The following FTO variants were observed in gnomAD, a reference collection of about 807,000 sequenced individuals.
The protein encoded by FTO is FTO alpha-ketoglutarate dependent dioxygenase.
A neutral mutation model predicts 63.9 loss-of-function variants in FTO; 47 were observed. The observed-to-expected ratio is 0.74, with a 90% CI of 0.58 to 0.94. FTO has a LOEUF of 0.94. Among genes scored for constraint, FTO ranks in the 40% least tolerant of loss-of-function variants. FTO has a pLI of 0.00. For synonymous variants in FTO, 207 were observed against 224.4 expected (o/e 0.92, Z 0.69); for missense variants, 562 against 618.1 (o/e 0.91, Z 0.96).
chr16:54,007,094 G>T (rs1413367599), intron 8 of FTO, among the ~76,000 whole-genome samples: 2 of 152,170 alleles, frequency 1.3e-5, no homozygotes, highest in Non-Finnish European at 2.9e-5. Context: ...AAGGAAATAG[G>T]ATGCATTTCA....
intron 8 of FTO, chr16:54,061,838 T>C (rs2085584512): frequency 6.6e-6 from 1 of 152,186 alleles, no homozygotes; most frequent in South Asian, 2.1e-4. Flanking sequence ...TTTGGAGGGC[T>C]CTGTGAAACT....
intron 8 of FTO, among the ~76,000 whole-genome samples, chr16:54,107,642 G>C (rs942536539): frequency 1.4e-5 from 2 of 140,714 alleles, no homozygotes; most frequent in African/African-American, 2.5e-5. Context: ...TGTTATAAAA[G>C]GCAGGAAATA....
intron 1 of FTO, among the ~76,000 whole-genome samples, chr16:53,709,166 A>T (rs900252034): frequency 5.3e-5 from 8 of 152,158 alleles, no homozygotes; most frequent in South Asian, 2.1e-4. Context: ...AACTTAGATC[A>T]TATTTTCTCT....
chr16:54,031,417 G>T (rs535594705), intron 8 of FTO, among the ~76,000 whole-genome samples: 1 of 152,186 alleles, frequency 6.6e-6, no homozygotes, highest in Non-Finnish European at 1.5e-5. Context: ...GGAAGCTAGG[G>T]TTATTAAGGA....
chr16:53,717,531 A>G (rs2075923602), intron 1 of FTO, among the ~76,000 whole-genome samples: 1 of 152,120 alleles, frequency 6.6e-6, no homozygotes, highest in African/African-American at 2.4e-5. Flanking sequence ...GTTATTTACT[A>G]ATCATGTGAT....
chr16:53,975,676 AAAG>A (rs1567488599), intron 8 of FTO, among the ~76,000 whole-genome samples: 1 of 151,954 alleles, frequency 6.6e-6, no homozygotes, highest in Admixed American at 6.6e-5. Context: ...CTCAAAAAAA[AAAG>A]ACATGTAATT....
chr16:53,719,742 T>C, intron 1 of FTO, among the ~76,000 whole-genome samples: 1 of 151,968 alleles, frequency 6.6e-6, no homozygotes, highest in Non-Finnish European at 1.5e-5. Context: ...TAAGCTTCTT[T>C]TGGCAACATC....
chr16:53,984,386 C>A (rs572306936), intron 8 of FTO, among the ~76,000 whole-genome samples: 2 of 136,256 alleles, frequency 1.5e-5, no homozygotes, highest in South Asian at 4.6e-4. Flanking sequence ...ACAATGATGC[C>A]ATGATGGCTC....
intron 1 of FTO, among the ~76,000 whole-genome samples, chr16:53,788,141 A>C (rs1332893399): frequency 6.6e-6 from 1 of 152,202 alleles, no homozygotes; most frequent in Non-Finnish European, 1.5e-5. Context: ...AGGAGAAAAA[A>C]GTAGAGATTC....
intron 8 of FTO, among the ~76,000 whole-genome samples, chr16:54,097,483 G>A (rs1240378473): frequency 6.6e-6 from 1 of 152,102 alleles, no homozygotes; most frequent in Non-Finnish European, 1.5e-5. Context: ...TGGTACTACA[G>A]GGTACTATTA....
intron 7 of FTO, among the ~76,000 whole-genome samples, chr16:53,919,207 T>G (rs12232391): frequency 0.34 from 51,928 of 152,050 alleles, 10,269 homozygotes; most frequent in East Asian, 0.81. Flanking sequence ...CTTATAGACT[T>G]ATTTTTAGGA....
chr16:54,013,450 G>T (rs571217523), intron 8 of FTO: 1 of 151,584 alleles, frequency 6.6e-6, no homozygotes, highest in Admixed American at 6.6e-5. Flanking sequence ...TACATAAACC[G>T]AGTTGATGAA....
At chr16:54,015,649 G>A (rs1233260565) in intron 8 of FTO, among the ~76,000 whole-genome samples, 1 of 152,160 alleles carries the variant, frequency 6.6e-6, no homozygotes, top group Non-Finnish European at 1.5e-5. Context: ...CATGAGTAAC[G>A]ACTATTACTA....
intron 8 of FTO, among the ~76,000 whole-genome samples, chr16:54,035,288 A>C (rs1322355263): frequency 6.6e-6 from 1 of 152,162 alleles, no homozygotes; most frequent in East Asian, 1.9e-4. Context: ...ATGAAATGAA[A>C]CCCCTACGAG....
At chr16:53,775,074 G>A (rs1166698821) in intron 1 of FTO, among the ~76,000 whole-genome samples, 2 of 151,960 alleles carry the variant, frequency 1.3e-5, no homozygotes, top group African/African-American at 4.8e-5. Context: ...AAAAGGGTCT[G>A]AGAAATAATA....
At chr16:53,714,991 A>G (rs1462355868) in intron 1 of FTO, among the ~76,000 whole-genome samples, 1 of 152,166 alleles carries the variant, frequency 6.6e-6, no homozygotes, top group Non-Finnish European at 1.5e-5. Context: ...TTCTCTTCAT[A>G]TGTAATAGCA....
intron 8 of FTO, among the ~76,000 whole-genome samples, chr16:53,939,336 A>G (rs1250712179): frequency 1.3e-5 from 2 of 152,166 alleles, no homozygotes; most frequent in Non-Finnish European, 2.9e-5. Context: ...GTGCTTTTTA[A>G]CTTTAAAGCC....
At chr16:53,951,017 C>A (rs894532380) in intron 8 of FTO, among the ~76,000 whole-genome samples, 5 of 152,200 alleles carry the variant, frequency 3.3e-5, no homozygotes, top group Non-Finnish European at 7.3e-5. Flanking sequence ...CTAGTGGAAA[C>A]CTTTATGTCC....
At chr16:53,716,047 T>C (rs1337576237) in intron 1 of FTO, among the ~76,000 whole-genome samples, 2 of 152,228 alleles carry the variant, frequency 1.3e-5, no homozygotes, top group Non-Finnish European at 2.9e-5. Flanking sequence ...ACTAGTCTAC[T>C]GTGAATGTGT....
Sources: gnomAD v4.1 joint callset for allele counts (sites outside exome capture counted in the v4.1 genomes callset) on GRCh38, gnomAD v4.1.1 for gene constraint, MANE v1.5 for transcripts, NCBI Gene and HGNC (gene_info 2026-07-23, HGNC 2026-07-21) for gene names.